HEXA: variants seen among roughly 807,000 people sequenced by gnomAD.
HEXA encodes the protein hexosaminidase subunit alpha.
Under a neutral mutation model 73.3 loss-of-function variants are expected in HEXA, and 54 were observed. The ratio of observed to expected loss-of-function variants is 0.74; its 90% confidence interval spans 0.59 to 0.92. HEXA has a LOEUF of 0.92. Ranked by LOEUF, HEXA falls within the 40% of genes least tolerant of loss-of-function variation. HEXA has a pLI of 0.00. For missense variants in HEXA, 649 were observed against 653.0 expected (o/e 0.99, Z 0.07); for synonymous variants, 230 against 246.9 (o/e 0.93, Z 0.64).
At chr15:72,363,945 T>G (rs1167228705) in intron 1 of HEXA, among the ~76,000 whole-genome samples, 1 of 152,110 alleles carries the variant, frequency 6.6e-6, no homozygotes, top group East Asian at 1.9e-4. Context: ...ATACATAAAT[T>G]TATTAATTTT....
chr15:72,363,020 C>G (rs1158710114), intron 1 of HEXA, among the ~76,000 whole-genome samples: 1 of 152,236 alleles, frequency 6.6e-6, no homozygotes, highest in African/African-American at 2.4e-5. Flanking sequence ...CCCATATCCC[C>G]TGGTACCCTC....
At chr15:72,347,598 G>A (rs1248852697) in intron 10 of HEXA, 88 bp downstream of exon 10, 3 of 1,042,886 alleles carry the variant, frequency 2.9e-6, no homozygotes, top group Non-Finnish European at 4.5e-6. Flanking sequence ...CAAACCAGGA[G>A]GATCAGTCTC....
chr15:72,348,023 C>A, intron 9 of HEXA, 25 bp downstream of exon 9: 1 of 1,546,134 alleles, frequency 6.5e-7, no homozygotes, highest in South Asian at 1.1e-5. Context: ...CCAAGGGACC[C>A]CACCCACCCT....
intron 9 of HEXA, 56 bp downstream of exon 9, chr15:72,347,988 AAGGG>A (rs2088640231): frequency 6.6e-6 from 8 of 1,216,684 alleles, no homozygotes; most frequent in Non-Finnish European, 7.3e-6. Context: ...TCGGTATGGA[AAGGG>A]AGGACCCCAC....
intron 12 of HEXA, 178 bp from the exon 13 acceptor site, chr15:72,345,728 C>A (rs1302023782): frequency 1.0e-5 from 9 of 869,910 alleles, no homozygotes; most frequent in Non-Finnish European, 1.6e-5. Context: ...TTCTACGGCT[C>A]AGCTCCACCT....
rs751185874 is a variant in HEXA at position 72,346,627 on chromosome 15, G to T, written c.1230C>A (p.Ala410=). The T allele has an allele frequency of 6.2e-7, 1 of 1,614,032 alleles. No homozygotes were observed. Among genetic ancestry groups the T allele is most frequent in the Non-Finnish European group, 8.5e-7 (1 of 1,179,986 alleles). The change falls in exon 11 of 14, where the codon GCC becomes GCA. Residue 410 remains alanine, a synonymous_variant. Transcript: ENST00000268097. The part of the protein sequence containing the change: ...YMKELELVTK[A]GFRALLSAPW... ...GGGCAGAGAGAAGGGCCCGGAAGCC[G>T]GCCTTGGTGACCAGTTCCAGCTCCT... is the stretch of plus-strand genomic sequence containing the variant.
Position 72,349,636 on chromosome 15 carries a change from C to T in HEXA, c.806-377G>A, listed in dbSNP as rs2088668614. Reference sequence around the variant, plus strand: ...CTGGCAAAATCTTTCTTCTCTATCTCCTCCTGTAGGTGGGGTCAACCATCA... The same window carrying T: ...CTGGCAAAATCTTTCTTCTCTATCTTCTCCTGTAGGTGGGGTCAACCATCA... On this transcript the variant is annotated intron_variant, in intron 7 of 13. Coordinates refer to ENST00000268097, the MANE Select transcript of HEXA (RefSeq NM_000520.6). 2.6e-5 allele frequency among the ~76,000 whole-genome samples: 4 copies of T among 152,342 alleles called. No homozygotes were observed. The South Asian group carries it at 8.3e-4, about 32-fold the overall frequency.
At position 72,346,224 on chromosome 15, in the gene HEXA, A is replaced by C. The variant is rs1226052139; in HGVS notation, c.1421+11T>G. 1 of 1,609,500 alleles carries C rather than the reference A, an allele frequency of 6.2e-7. No individual in the cohort carries two copies. The highest frequency in any genetic ancestry group is 8.5e-7 in the Non-Finnish European group (1 of 1,176,284). Reference sequence around the variant, plus strand: ...GGCCCAACCCTCCACCTCCCCCCCGAAAACCCTTACCAGAGCCTGGGGACC... The same window carrying C: ...GGCCCAACCCTCCACCTCCCCCCCGCAAACCCTTACCAGAGCCTGGGGACC... On this transcript the variant is annotated intron_variant, in intron 12 of 13. Coordinates refer to ENST00000268097, the MANE Select transcript of HEXA (RefSeq NM_000520.6).
chr15:72,365,999 C>T (rs2088911874), intron 1 of HEXA, among the ~76,000 whole-genome samples: 2 of 152,172 alleles, frequency 1.3e-5, no homozygotes, highest in African/African-American at 4.8e-5. Flanking sequence ...TACTACATAT[C>T]ATTCACCTTG....
intron 5 of HEXA, chr15:72,351,704 T>C (rs1192344594): frequency 1.9e-5 from 4 of 215,454 alleles, no homozygotes; most frequent in Non-Finnish European, 3.8e-5. Context: ...CTCCTTTGGT[T>C]CCGTCACAGG....
chr15:72,362,147 T>C (rs1265225750), intron 1 of HEXA, among the ~76,000 whole-genome samples: 1 of 152,168 alleles, frequency 6.6e-6, no homozygotes, highest in African/African-American at 2.4e-5. Context: ...TGCCATATTT[T>C]CTCCATATTT....
intron 5 of HEXA, among the ~76,000 whole-genome samples, chr15:72,352,380 T>C (rs891965040): frequency 3.3e-5 from 5 of 151,456 alleles, no homozygotes; most frequent in African/African-American, 1.2e-4. Context: ...GGTGGGCAGA[T>C]TGCTTGAGCC....
At chr15:72,350,751 T>A in intron 6 of HEXA, 101 bp from the exon 7 acceptor site, 1 of 1,334,252 alleles carries the variant, frequency 7.5e-7, no homozygotes, top group South Asian at 1.2e-5. Flanking sequence ...TCAGAAAACC[T>A]GCCCATAGCC....
At position 72,349,225 on chromosome 15, in the gene HEXA, C is replaced by T. The variant is rs778823870; in HGVS notation, c.840G>A (p.Gly280=). The part of the protein sequence containing the change: ...IPGLLTPCYS[G]SEPSGTFGPV... ...GTCCAAAGGTGCCAGAGGGCTCAGA[C>T]CCAGAGTAGCAAGGAGTCAGTAATC... The change falls in exon 8 of 14, where the codon GGG becomes GGA. Residue 280 remains glycine (G), a synonymous_variant. Coordinates refer to ENST00000268097, the MANE Select transcript of HEXA (RefSeq NM_000520.6). The T allele has an allele frequency of 3.9e-5, 63 of 1,613,916 alleles. No individual in the cohort carries two copies. Among genetic ancestry groups the T allele is most frequent in the African/African-American group, 5.3e-5 (4 of 74,906 alleles).
chr15:72,366,253 C>CTTCAGCTCTCCT (rs1031627601), intron 1 of HEXA, among the ~76,000 whole-genome samples: 1 of 152,122 alleles, frequency 6.6e-6, no homozygotes, highest in Admixed American at 6.5e-5. Flanking sequence ...GCTGTTAAAT[C>CTTCAGCTCTCCT]TTCAGCTCTC....
chr15:72,360,465 C>G (rs995219544), intron 1 of HEXA: 1 of 152,384 alleles, frequency 6.6e-6, no homozygotes, highest in Non-Finnish European at 1.5e-5. Context: ...CAACACACAC[C>G]TGCCTGTACC....
In HEXA at chr15:72,353,104, G is replaced by T; in HGVS notation, c.534C>A (p.Arg178=). The T allele has an allele frequency of 6.2e-7, 1 of 1,613,370 alleles. No individual in the cohort carries two copies. The highest frequency in any genetic ancestry group is 8.5e-7 in the Non-Finnish European group (1 of 1,179,326). Residue 178 remains arginine, a synonymous_variant, in exon 5 of 14, where the codon CGC becomes CGA. Transcript: ENST00000268097. The part of the protein sequence containing the change: ...PHRGLLLDTS[R]HYLPLSSILD... ...GGATGCTAGAGAGTGGCAGGTAATG[G>T]CGAGATGTATCCAACAGCAAGCCCC...
rs777515618 is a variant in HEXA at position 72,375,805 on chromosome 15, G to C, written c.168C>G (p.Pro56=). ...FQYDVSSAAQ[P]GCSVLDEAFQ... is the part of the protein sequence containing the mutation. ...AGGCCTCGTCGAGGACTGAGCAGCC[G>C]GGCTGCGCGGCCGAGCTGACATCGT... Residue 56 remains proline, a synonymous_variant, in exon 1 of 14, where the codon CCC becomes CCG. Transcript: ENST00000268097. 2.5e-6 allele frequency: 4 copies of C among 1,614,126 alleles called. No individual in the cohort carries two copies. The highest frequency in any genetic ancestry group is 1.3e-5 in the African/African-American group (1 of 74,948).
intron 3 of HEXA, chr15:72,355,296 T>C (rs1324057454): frequency 4.2e-6 from 2 of 475,438 alleles, no homozygotes; most frequent in African/African-American, 3.9e-5. Flanking sequence ...GAGGCCGAGA[T>C]GGGTGGATCA....
Sources: allele counts gnomAD v4.1 joint callset (sites outside exome capture counted in the v4.1 genomes callset), GRCh38; gene constraint gnomAD v4.1.1; transcripts MANE v1.5; gene names NCBI Gene and HGNC (gene_info 2026-07-23, HGNC 2026-07-21).